TTN: variants seen among roughly 807,000 people sequenced by gnomAD.
The protein encoded by TTN is titin.
In TTN, 1,525 loss-of-function variants were observed where a neutral mutation model predicts 3,223.0. The ratio of observed to expected loss-of-function variants is 0.47; its 90% confidence interval spans 0.45 to 0.49. The LOEUF is 0.49. TTN is among the 20% of genes least tolerant of loss of function. The probability of loss-of-function intolerance (pLI) is 0.00; values close to 1 mark genes in which losing one functional copy is unlikely to be tolerated. For synonymous variants in TTN, 14,094 were observed against 15,161.0 expected (o/e 0.93, Z 5.17); for missense variants, 40,786 against 43,424.0 (o/e 0.94, Z 5.40).
At chr2:178,538,363 G>T (rs1163606123) in intron 354 of TTN, 177 bp downstream of exon 354, 10 of 584,420 alleles carry the variant, frequency 1.7e-5, no homozygotes, top group Non-Finnish European at 2.9e-5. Context: ...TGCTGAGGTT[G>T]TGTGCTTGGA....
In TTN at chr2:178,562,871, G is replaced by A. The variant is rs1383167179; in HGVS notation, c.83261C>T (p.Ser27754Phe). 1 of 1,612,990 alleles carries A rather than the reference G, an allele frequency of 6.2e-7. No individual in the cohort carries two copies. The change falls in exon 326 of 363, where the codon TCC becomes TTC. Residue 27754 changes from serine (S) to phenylalanine (F), a missense_variant. By Grantham distance (155) the Ser-to-Phe change is radical (BLOSUM62 -2). Coordinates refer to ENST00000589042, the MANE Select transcript of TTN (RefSeq NM_001267550.2). ...TCTGACGTTAACAAAAGCTGTTTTGGAGCCACTATTATTTTCTAATGTCAG... is the reference window on the plus strand; with the variant it reads ...TCTGACGTTAACAAAAGCTGTTTTGAAGCCACTATTATTTTCTAATGTCAG... ...YNLTLENNSG[S>F]KTAFVNVRVL... is the part of the protein sequence containing the mutation.
At position 178,539,213 on chromosome 2, in the gene TTN, C is replaced by G; in HGVS notation, c.98722G>C (p.Asp32908His). The stretch of plus-strand genomic sequence containing the variant: ...AAGCTAACAGAACTCTTGGTTACAT[C>G]GAGTACTTCTGGAGGATTGCTTGGA... ...EPPSNPPEVLDVTKSSVSLSW... is the reference protein window; with the variant it reads ...EPPSNPPEVLHVTKSSVSLSW... Residue 32908 changes from aspartate to histidine, a missense_variant, in exon 353 of 363, where the codon GAT (aspartate) becomes CAT (histidine). Coordinates refer to ENST00000589042, the MANE Select transcript of TTN (RefSeq NM_001267550.2). 1 of 1,613,668 alleles carries G rather than the reference C, an allele frequency of 6.2e-7. No individual in the cohort carries two copies.
At position 178,583,107 on chromosome 2, in the gene TTN, T is replaced by G; in HGVS notation, c.65696A>C (p.Lys21899Thr). 6.2e-7 allele frequency: 1 copy of G among 1,611,714 alleles called. No individual in the cohort carries two copies. Among genetic ancestry groups the G allele is most frequent in the Non-Finnish European group, 8.5e-7 (1 of 1,178,770 alleles). ...GKPMPTVSWK[K>T]DGTLLKPAEG... is the part of the protein sequence containing the mutation. Reference sequence around the variant, plus strand: ...TGCTGGTTTTAGCAGTGTGCCATCTTTTTTCCAAGAAACTGTTGGCATCGG... The same window carrying G: ...TGCTGGTTTTAGCAGTGTGCCATCTGTTTTCCAAGAAACTGTTGGCATCGG... The change falls in exon 313 of 363, where the codon AAA becomes ACA. Residue 21899 changes from lysine to threonine, a missense_variant. Transcript: ENST00000589042.
chr2:178,801,657 T>C (rs778623295), intron 3 of TTN, among the ~76,000 whole-genome samples: 15 of 152,214 alleles, frequency 9.9e-5, no homozygotes, highest in Non-Finnish European at 1.8e-4. Flanking sequence ...GGAAACAGTG[T>C]CATGCATTTG....
In TTN at chr2:178,536,118, A is replaced by G. The variant is rs772935423; in HGVS notation, c.100629T>C (p.Tyr33543=). The G allele has an allele frequency of 6.2e-6, 10 of 1,613,434 alleles. No homozygotes were observed. In the Admixed American group the frequency reaches 1.2e-4, roughly 19 times the overall value. ...GKEIIADGLK[Y]RIQEFKGGYH... is the part of the protein sequence containing the mutation. ...AGCCACCCTTAAATTCTTGAATCCTATATTTTAATCCATCTGCAATGATTT... is the reference window on the plus strand; with the variant it reads ...AGCCACCCTTAAATTCTTGAATCCTGTATTTTAATCCATCTGCAATGATTT... The change falls in exon 357 of 363, where the codon TAT becomes TAC. Residue 33543 remains tyrosine (Y), a synonymous_variant. Coordinates refer to ENST00000589042, the MANE Select transcript of TTN (RefSeq NM_001267550.2).
rs1312777672 is a variant in TTN at position 178,733,341 on chromosome 2, G to T, written c.15952C>A (p.Leu5318Ile). Reference sequence around the variant, plus strand: ...TGCAGCTCAGCTGAATAAAATTTGAGCTGGGCAACATTGTTTTTAAAACTT... The same window carrying T: ...TGCAGCTCAGCTGAATAAAATTTGATCTGGGCAACATTGTTTTTAAAACTT... ...RISFKNNVAQ[L>I]KFYSAELHDS... The change falls in exon 54 of 363, where the codon CTC becomes ATC. Residue 5318 changes from leucine (L) to isoleucine (I), a missense_variant. Leu to Ile is a conservative substitution (Grantham distance 5). Transcript: ENST00000589042. 1 of 1,613,674 alleles carries T rather than the reference G, an allele frequency of 6.2e-7. No homozygotes were observed. The highest frequency in any genetic ancestry group is 2.2e-5 in the East Asian group (1 of 44,868).
chr2:178,777,088 T>C (rs1359367911), intron 27 of TTN, 39 bp from the exon 28 acceptor site: 2 of 1,613,948 alleles, frequency 1.2e-6, no homozygotes, highest in South Asian at 2.2e-5. Context: ...AATATAGTGG[T>C]ATAGCTTCCC....
intron 330 of TTN, chr2:178,556,360 G>T (rs1701443170): frequency 6.2e-6 from 1 of 161,900 alleles, no homozygotes; most frequent in African/African-American, 2.4e-5. Flanking sequence ...GAGCCCAGGA[G>T]GCGGAAGTTG....
At position 178,597,802 on chromosome 2, in the gene TTN, G is replaced by A; in HGVS notation, c.57280C>T (p.Leu19094=). Reference sequence around the variant, plus strand: ...ATTCTATCTCTGACACTGGCATCTAGCTGAAGGTCAGGTGAAACTGGAAGC... The same window carrying A: ...ATTCTATCTCTGACACTGGCATCTAACTGAAGGTCAGGTGAAACTGGAAGC... The part of the protein sequence containing the change: ...KDRLVSPDLQ[L]DASVRDRIVV... The change falls in exon 294 of 363, where the codon CTA becomes TTA. Residue 19094 remains leucine, a synonymous_variant. Transcript: ENST00000589042. 1 of 1,613,122 alleles carries A rather than the reference G, an allele frequency of 6.2e-7. No individual in the cohort carries two copies. The highest frequency in any genetic ancestry group is 8.5e-7 in the Non-Finnish European group (1 of 1,179,528).
Position 178,718,768 on chromosome 2 carries a change from T to A in TTN, c.24432A>T (p.Glu8144Asp), listed in dbSNP as rs756559627. 184 of 1,613,634 alleles carry A rather than the reference T, an allele frequency of 1.1e-4. No homozygotes were observed. The highest frequency in any genetic ancestry group is 1.2e-4 in the Non-Finnish European group (137 of 1,179,744). Residue 8144 changes from glutamate (E) to aspartate (D), a missense_variant, in exon 84 of 363, where the codon GAA becomes GAT. By Grantham distance (45) the Glu-to-Asp change is conservative. Coordinates refer to ENST00000589042, the MANE Select transcript of TTN (RefSeq NM_001267550.2). ...ELELFEVQPLESGDYSCLVTN... is the reference protein window; with the variant it reads ...ELELFEVQPLDSGDYSCLVTN... ...TAACGAGGCAAGAATAGTCTCCACT[T>A]TCTAATGGCTGCACCTCAAACAACT...
In TTN at chr2:178,575,801, G is replaced by C. The variant is rs1325284144; in HGVS notation, c.70331C>G (p.Pro23444Arg). 2.5e-6 allele frequency: 4 copies of C among 1,612,960 alleles called. No individual in the cohort carries two copies. Among genetic ancestry groups the C allele is most frequent in the Non-Finnish European group, 3.4e-6 (4 of 1,179,260 alleles). Residue 23444 changes from proline (P) to arginine (R), a missense_variant, in exon 326 of 363, where the codon CCT (proline) becomes CGT (arginine). Coordinates refer to ENST00000589042, the MANE Select transcript of TTN (RefSeq NM_001267550.2). This position sits in a 1 kb window ranked among gnomAD's most constrained non-coding sequence, Gnocchi z 4.0. ...GACACTGTCCTTTGTGATGTCTGTA[G>C]GCCGCAGGTTGAGGACTGGGCCTGG... Reference protein sequence around the residue: ...DTPGPVLNLRPTDITKDSVTL... With the variant: ...DTPGPVLNLRRTDITKDSVTL...
At chr2:178,556,458 A>AC (rs200305114) in intron 330 of TTN, 12,750 of 203,580 alleles carry the variant, frequency 0.063, 840 homozygotes, top group African/African-American at 0.23. Flanking sequence ...AAACAAACAA[A>AC]AAAAAAAAAA....
chr2:178,702,397 C>G, intron 107 of TTN, 57 bp downstream of exon 107: 1 of 1,609,694 alleles, frequency 6.2e-7, no homozygotes, highest in Non-Finnish European at 8.5e-7. Context: ...GGTAGAAATA[C>G]AGAAAACAGA....
Position 178,722,154 on chromosome 2 carries a change from G to T in TTN, c.22529-20C>A. 1 of 1,535,560 alleles carries T rather than the reference G, an allele frequency of 6.5e-7. No individual in the cohort carries two copies. On this transcript the variant is annotated intron_variant, in intron 77 of 362. Coordinates refer to ENST00000589042, the MANE Select transcript of TTN (RefSeq NM_001267550.2). ...TGGGTTCTGGAGGATGAGAAGAAAG[G>T]CAATGTGTATTTTTTGTTTGTTTTT...
intron 241 of TTN, 147 bp from the exon 242 acceptor site, chr2:178,624,878 T>C (rs1308328919): frequency 1.1e-6 from 1 of 882,356 alleles, no homozygotes; most frequent in Non-Finnish European, 1.7e-6. Flanking sequence ...CATTTTCCTC[T>C]AAAAATGATA....
chr2:178,805,368 A>C (rs2154361429), intron 1 of TTN, among the ~76,000 whole-genome samples: 1 of 151,774 alleles, frequency 6.6e-6, no homozygotes, highest in East Asian at 1.9e-4. Context: ...AAAAAAATTA[A>C]AATAAATAAA....
At position 178,609,726 on chromosome 2, in the gene TTN, G is replaced by T. The variant is rs761840475; in HGVS notation, c.51697C>A (p.Pro17233Thr). Residue 17233 changes from proline (P) to threonine (T), a missense_variant, in exon 272 of 363, where the codon CCT becomes ACT. Coordinates refer to ENST00000589042, the MANE Select transcript of TTN (RefSeq NM_001267550.2). ...RAENAAGISE[P>T]SRATPPTKAV... Reference sequence around the variant, plus strand: ...TTGGTTGGAGGAGTAGCCCGAGAAGGTTCACTAATACCCGCGGCGTTCTCT... The same window carrying T: ...TTGGTTGGAGGAGTAGCCCGAGAAGTTTCACTAATACCCGCGGCGTTCTCT... 13 of 1,609,804 alleles carry T rather than the reference G, an allele frequency of 8.1e-6. No homozygotes were observed. The highest frequency in any genetic ancestry group is 1.1e-5 in the Non-Finnish European group (13 of 1,177,022).
chr2:178,776,100 C>T lies in TTN; in HGVS notation c.5764G>A (p.Glu1922Lys). ...VTAENPEGVI[E>K]HKVKLEIQQR... ...TGAATCTCAAGCTTCACTTTATGCT[C>T]TATCACACCTTCAGGATTTTCCGCG... The change falls in exon 28 of 363, where the codon GAG (glutamate) becomes AAG (lysine). Residue 1922 changes from glutamate (E) to lysine (K), a missense_variant. Transcript: ENST00000589042. 1 of 1,614,172 alleles carries T rather than the reference C, an allele frequency of 6.2e-7. No individual in the cohort carries two copies. The highest frequency in any genetic ancestry group is 8.5e-7 in the Non-Finnish European group (1 of 1,180,006).
Position 178,664,681 on chromosome 2 carries a change from T to G in TTN, c.36175A>C (p.Arg12059=). 6.2e-7 allele frequency: 1 copy of G among 1,612,582 alleles called. No individual in the cohort carries two copies. Among genetic ancestry groups the G allele is most frequent in the Non-Finnish European group, 8.5e-7 (1 of 1,179,714 alleles). ...TCATCAGGAAGGACTTCAGGCTTTC[T>G]GAGAGGAACCACAAGCGTTTTCTTT... is the stretch of plus-strand genomic sequence containing the variant. ...PEKKTLVVPL[R]KPEVLPDEVP... The change falls in exon 167 of 363, where the codon AGA becomes CGA. Residue 12059 remains arginine, a synonymous_variant. Transcript: ENST00000589042.
Sources: gnomAD v4.1 joint callset for allele counts (sites outside exome capture counted in the v4.1 genomes callset) on GRCh38, gnomAD v4.1.1 for gene constraint, Gnocchi (gnomAD v3.1) non-coding constraint, MANE v1.5 for transcripts, NCBI Gene and HGNC (gene_info 2026-07-23, HGNC 2026-07-21) for gene names.